IQCF5: variants seen among roughly 807,000 people sequenced by gnomAD.
IQCF5 encodes IQ motif containing F5, also known as IQ domain-containing protein F5.
IQCF5 carries 2 observed loss-of-function variants against 3.4 expected under a neutral mutation model. That is an observed-to-expected ratio of 0.58 (90% CI 0.24 to 1.84). IQCF5 has a LOEUF of 1.84. IQCF5 is among the 40% of genes most tolerant of loss of function. The pLI is 0.17. For missense variants in IQCF5, 167 were observed against 191.6 expected (o/e 0.87, Z 0.76); for synonymous variants, 58 against 64.7 (o/e 0.90, Z 0.49).
rs1034481630 is a variant in IQCF5 at position 51,873,826 on chromosome 3, G to T, written c.354C>A (p.Leu118=). ...GTTGAATATTAAGTTGGTTTTCTTTGAGTTCATAGTGGCCCTCAATAAAGA... is the reference window on the plus strand; with the variant it reads ...GTTGAATATTAAGTTGGTTTTCTTTTAGTTCATAGTGGCCCTCAATAAAGA... ...SRVFIEGHYE[L]KENQLNIQLE... Residue 118 remains leucine (L), a synonymous_variant, in exon 2 of 2, where the codon CTC becomes CTA. Coordinates refer to ENST00000446461, the MANE Select transcript of IQCF5 (RefSeq NM_001145059.2). 2 of 1,551,708 alleles carry T rather than the reference G, an allele frequency of 1.3e-6. No individual in the cohort carries two copies. The highest frequency in any genetic ancestry group is 4.9e-5 in the East Asian group (2 of 40,920).
chr3:51,874,928 AC>A, intron 1 of IQCF5: 1 of 172,324 alleles, frequency 5.8e-6, no homozygotes, highest in Non-Finnish European at 1.3e-5. Context: ...CTGACGTTTC[AC>A]CCCAGTTTTT....
intron 1 of IQCF5, chr3:51,875,215 C>A: frequency 2.3e-5 from 8 of 348,110 alleles, no homozygotes; most frequent in East Asian, 6.3e-5. Flanking sequence ...GATGTGATTT[C>A]ATCATTATGT....
At chr3:51,875,276 G>T in intron 1 of IQCF5, 1 of 565,014 alleles carries the variant, frequency 1.8e-6, no homozygotes, top group South Asian at 2.2e-5. Flanking sequence ...AGAGTGTATG[G>T]GGGGAAATAG....
chr3:51,874,292 A>T (rs1698773977), intron 1 of IQCF5, 117 bp from the exon 2 acceptor site: 2 of 1,036,856 alleles, frequency 1.9e-6, no homozygotes, highest in Admixed American at 4.0e-5. Context: ...TGAACCCAGG[A>T]GACCAGGTAG....
intron 1 of IQCF5, 141 bp downstream of exon 1, chr3:51,875,387 T>C (rs575982536): frequency 3.3e-6 from 3 of 908,782 alleles, no homozygotes; most frequent in African/African-American, 1.6e-5. Context: ...ACTTCAAACA[T>C]GGAGGGGGGT....
At position 51,875,573 on chromosome 3, in the gene IQCF5, C is replaced by T. The variant is rs1224645079; in HGVS notation, c.-42G>A. On this transcript the variant is annotated 5_prime_UTR_variant, in exon 1 of 2. Coordinates refer to ENST00000446461, the MANE Select transcript of IQCF5 (RefSeq NM_001145059.2). ...GTCCCATCACCCTCCGGCCCGCACT[C>T]CTCCGATCAGGACTCCAACAGGAAG... The T allele has an allele frequency of 1.9e-6, 3 of 1,551,662 alleles. No homozygotes were observed. Among genetic ancestry groups the T allele is most frequent in the South Asian group, 1.2e-5 (1 of 84,058 alleles).
At chr3:51,875,205 G>T in intron 1 of IQCF5, 1 of 344,372 alleles carries the variant, frequency 2.9e-6, no homozygotes, top group South Asian at 2.9e-5. Context: ...CTGTTCTATC[G>T]ATGTGATTTC....
At chr3:51,875,310 C>T (rs1698784493) in intron 1 of IQCF5, 2 of 607,172 alleles carry the variant, frequency 3.3e-6, no homozygotes, top group Non-Finnish European at 6.0e-6. Context: ...AGGTGCTCTC[C>T]CACTGCTAGG....
chr3:51,874,209 C>A, intron 1 of IQCF5, 34 bp from the exon 2 acceptor site: 1 of 1,538,048 alleles, frequency 6.5e-7, no homozygotes, highest in Non-Finnish European at 8.8e-7. Flanking sequence ...TCAGGGTATG[C>A]TAGGAAGGGG....
At position 51,873,907 on chromosome 3, in the gene IQCF5, G is replaced by A; in HGVS notation, c.273C>T (p.Leu91=). 1 of 1,551,790 alleles carries A rather than the reference G, an allele frequency of 6.4e-7. No homozygotes were observed. Among genetic ancestry groups the A allele is most frequent in the African/African-American group, 1.4e-5 (1 of 73,176 alleles). ...WCVRQRYCRL[L]NAVRIIQVYW... ...AGACCTGGATGATGCGGACAGCGTTGAGCAAACGACAGTAACGCTGGCGGA... is the reference window on the plus strand; with the variant it reads ...AGACCTGGATGATGCGGACAGCGTTAAGCAAACGACAGTAACGCTGGCGGA... The change falls in exon 2 of 2, where the codon CTC becomes CTT. Residue 91 remains leucine, a synonymous_variant. Coordinates refer to ENST00000446461, the MANE Select transcript of IQCF5 (RefSeq NM_001145059.2).
At position 51,873,794 on chromosome 3, in the gene IQCF5, A is replaced by G; in HGVS notation, c.386T>C (p.Ile129Thr). The G allele has an allele frequency of 3.9e-6, 6 of 1,551,702 alleles. No homozygotes were observed. Among genetic ancestry groups the G allele is most frequent in the Non-Finnish European group, 5.2e-6 (6 of 1,146,988 alleles). ...CTTACAAGCCTGTAAGCCCAAAGAG[A>G]TTTCAAGTTGAATATTAAGTTGGTT... The part of the protein sequence containing the change: ...KENQLNIQLE[I>T]SLGLQACKVQ... Residue 129 changes from isoleucine (I) to threonine (T), a missense_variant, in exon 2 of 2, where the codon ATC (isoleucine) becomes ACC (threonine). Ile to Thr is a moderately conservative substitution (Grantham distance 89). Transcript: ENST00000446461.
intron 1 of IQCF5, 28 bp from the exon 2 acceptor site, chr3:51,874,203 G>A: frequency 6.5e-7 from 1 of 1,544,478 alleles, no homozygotes; most frequent in East Asian, 2.4e-5. Context: ...ACACACTCAG[G>A]GTATGCTAGG....
At chr3:51,875,407 A>G in intron 1 of IQCF5, 121 bp downstream of exon 1, 3 of 1,077,364 alleles carry the variant, frequency 2.8e-6, no homozygotes, top group Non-Finnish European at 2.8e-6. Context: ...TCCTGTCATG[A>G]GTAACTGTGG....
intron 1 of IQCF5, chr3:51,874,902 T>A (rs2107218516): frequency 5.4e-6 from 1 of 183,666 alleles, no homozygotes; most frequent in East Asian, 1.3e-4. Flanking sequence ...CCCCATTCAT[T>A]CCAGCTCTGC....
chr3:51,875,338 T>G, intron 1 of IQCF5, 190 bp downstream of exon 1: 1 of 660,816 alleles, frequency 1.5e-6, no homozygotes, highest in East Asian at 2.7e-5. Context: ...TCAAACACCA[T>G]TCTCACTGTT....
rs756338400 is a variant in IQCF5, at chr3:51,875,562, C to T, written c.-31G>A. ...GGGGCTAGATGGTCCCATCACCCTC[C>T]GGCCCGCACTCCTCCGATCAGGACT... On this transcript the variant is annotated 5_prime_UTR_variant, in exon 1 of 2. Coordinates refer to ENST00000446461, the MANE Select transcript of IQCF5 (RefSeq NM_001145059.2). The T allele has an allele frequency of 1.1e-5, 17 of 1,551,796 alleles. No homozygotes were observed. Among genetic ancestry groups the T allele is most frequent in the Middle Eastern group, 1.7e-4 (1 of 6,016 alleles).
At chr3:51,875,445 G>T in intron 1 of IQCF5, 83 bp downstream of exon 1, 2 of 1,417,468 alleles carry the variant, frequency 1.4e-6, no homozygotes, top group Non-Finnish European at 2.0e-6. Context: ...CAGAAAGCTA[G>T]TGTGGTTCTG....
chr3:51,875,426 C>G, intron 1 of IQCF5, 102 bp downstream of exon 1: 3 of 1,277,612 alleles, frequency 2.3e-6, no homozygotes, highest in Non-Finnish European at 3.3e-6. Context: ...GGGGAACTTA[C>G]TCTCCCCTCA....
In IQCF5 at chr3:51,873,889, G is replaced by T. The variant is rs912250077; in HGVS notation, c.291C>A (p.Ile97=). The T allele has an allele frequency of 1.9e-6, 3 of 1,551,654 alleles. No homozygotes were observed. In the African/African-American group the frequency reaches 4.1e-5, roughly 21 times the overall value. Residue 97 remains isoleucine (I), a synonymous_variant, in exon 2 of 2, where the codon ATC becomes ATA. Coordinates refer to ENST00000446461, the MANE Select transcript of IQCF5 (RefSeq NM_001145059.2). ...AGCTGTGCCAGCGCCAATAGACCTG[G>T]ATGATGCGGACAGCGTTGAGCAAAC... ...YCRLLNAVRI[I]QVYWRWHSCH... is the part of the protein sequence containing the mutation.
Sources: gnomAD v4.1 joint callset for allele counts on GRCh38, gnomAD v4.1.1 for gene constraint, MANE v1.5 for transcripts, NCBI Gene and HGNC (gene_info 2026-07-23, HGNC 2026-07-21) for gene names.